Variants in GOLGA1 observed in about 807,000 individuals in gnomAD.
GOLGA1 encodes golgin A1.
GOLGA1 carries 63 observed loss-of-function variants against 119.7 expected under a neutral mutation model. That is an observed-to-expected ratio of 0.53 (90% CI 0.43 to 0.65). The LOEUF is 0.65. Among genes scored for constraint, GOLGA1 ranks in the 30% least tolerant of loss-of-function variants. GOLGA1 has a pLI of 0.00. For synonymous variants in GOLGA1, 318 were observed against 333.4 expected (o/e 0.95, Z 0.50); for missense variants, 798 against 912.8 (o/e 0.87, Z 1.62).
chr9:124,916,332 T>C (rs1171805829), intron 10 of GOLGA1, among the ~76,000 whole-genome samples: 2 of 151,558 alleles, frequency 1.3e-5, no homozygotes, highest in African/African-American at 2.4e-5. Flanking sequence ...ATGAAAAGAA[T>C]TAAAGTAAAA....
intron 15 of GOLGA1, among the ~76,000 whole-genome samples, chr9:124,893,290 TTCC>T (rs1829898432): frequency 6.6e-6 from 1 of 152,242 alleles, no homozygotes; most frequent in Non-Finnish European, 1.5e-5. Flanking sequence ...TTCTATTTGA[TTCC>T]TTTTTTAAAA....
At chr9:124,940,621 A>G (rs1232807304) in intron 1 of GOLGA1, among the ~76,000 whole-genome samples, 1 of 152,238 alleles carries the variant, frequency 6.6e-6, no homozygotes, top group African/African-American at 2.4e-5. Context: ...GGTGCCTGCC[A>G]CGGCAGTTTG....
intron 15 of GOLGA1, among the ~76,000 whole-genome samples, chr9:124,892,991 T>G (rs1052588908): frequency 1.3e-5 from 2 of 151,978 alleles, no homozygotes; most frequent in African/African-American, 4.8e-5. Context: ...GTTTTCTATA[T>G]GTTTACATTT....
chr9:124,902,682 G>C (rs574834926), intron 12 of GOLGA1, among the ~76,000 whole-genome samples: 2 of 151,438 alleles, frequency 1.3e-5, no homozygotes, highest in South Asian at 2.1e-4. Context: ...GTAGAGACAG[G>C]GTTTCACCGT....
intron 12 of GOLGA1, among the ~76,000 whole-genome samples, chr9:124,905,922 G>T (rs1036623280): frequency 2.7e-5 from 4 of 150,834 alleles, no homozygotes; most frequent in Non-Finnish European, 5.9e-5. Flanking sequence ...AGACCAGCCT[G>T]GCCAACATGA....
chr9:124,890,709 C>G (rs1829835362), intron 15 of GOLGA1, among the ~76,000 whole-genome samples: 1 of 152,070 alleles, frequency 6.6e-6, no homozygotes, highest in African/African-American at 2.4e-5. Context: ...CACTGAGGAT[C>G]GATTGCCCCA....
At chr9:124,880,679 C>T in intron 22 of GOLGA1, 69 bp from the exon 23 acceptor site, 1 of 937,314 alleles carries the variant, frequency 1.1e-6, no homozygotes, top group Non-Finnish European at 1.8e-6. Context: ...CTGAACCGCC[C>T]CTCCCCTCCC....
intron 7 of GOLGA1, among the ~76,000 whole-genome samples, chr9:124,925,092 G>T (rs138619006): frequency 1.3e-5 from 2 of 149,046 alleles, no homozygotes; most frequent in Non-Finnish European, 3.0e-5. Flanking sequence ...AAAAAAAAAA[G>T]AAAAATTTTC....
At position 124,882,801 on chromosome 9, in the gene GOLGA1, G is replaced by A. The variant is rs573525341; in HGVS notation, c.1906-232C>T. Among the ~76,000 whole-genome samples, 7 of 152,206 alleles carry A rather than the reference G, an allele frequency of 4.6e-5. No individual in the cohort carries two copies. In the East Asian group the frequency reaches 1.4e-3, roughly 29 times the overall value. Reference sequence around the variant, plus strand: ...CGCTTGAGTCTCCACGTCCCACAGGGGCCACAGTCCCTCTGTGTTGACATG... The same window carrying A: ...CGCTTGAGTCTCCACGTCCCACAGGAGCCACAGTCCCTCTGTGTTGACATG... On this transcript the variant is annotated intron_variant, in intron 19 of 22. Transcript: ENST00000373555.
At chr9:124,933,073 T>C (rs1830801965) in intron 3 of GOLGA1, among the ~76,000 whole-genome samples, 1 of 151,924 alleles carries the variant, frequency 6.6e-6, no homozygotes, top group Non-Finnish European at 1.5e-5. Flanking sequence ...ATAGGAGACA[T>C]CCTATGTCTC....
At chr9:124,933,314 G>A (rs1232001242) in intron 3 of GOLGA1, among the ~76,000 whole-genome samples, 1 of 152,164 alleles carries the variant, frequency 6.6e-6, no homozygotes, top group Non-Finnish European at 1.5e-5. Flanking sequence ...GATTTTGGGA[G>A]GGTTCCCATC....
At chr9:124,940,782 G>A (rs941932044) in intron 1 of GOLGA1, among the ~76,000 whole-genome samples, 189 bp downstream of exon 1, 13 of 152,212 alleles carry the variant, frequency 8.5e-5, no homozygotes, top group Non-Finnish European at 1.8e-4. Flanking sequence ...GAGGAATCCC[G>A]GAACCCTAGG....
chr9:124,911,539 G>A (rs1340680498), intron 11 of GOLGA1, among the ~76,000 whole-genome samples: 2 of 152,238 alleles, frequency 1.3e-5, no homozygotes, highest in African/African-American at 4.8e-5. Flanking sequence ...CTTTTGCCAA[G>A]GGGCAGATGT....
At chr9:124,916,877 C>CAAAAAAAAAAAAAAAA (rs71494043) in intron 10 of GOLGA1, among the ~76,000 whole-genome samples, 1 of 41,214 alleles carries the variant, frequency 2.4e-5, no homozygotes, top group Admixed American at 4.1e-4. Context: ...CCCTGACACA[C>CAAAAAAAAAAAAAAAA]AAAAAAAAAA....
At chr9:124,911,341 T>A (rs1355143820) in intron 11 of GOLGA1, among the ~76,000 whole-genome samples, 2 of 152,216 alleles carry the variant, frequency 1.3e-5, no homozygotes, top group African/African-American at 4.8e-5. Context: ...AGGAGCCTCA[T>A]GACCTGGGCT....
chr9:124,883,510 T>C (rs1829638865), intron 19 of GOLGA1, among the ~76,000 whole-genome samples: 1 of 151,558 alleles, frequency 6.6e-6, no homozygotes, highest in Admixed American at 6.6e-5. Flanking sequence ...GCAGGTGACA[T>C]AATCTCAGCT....
chr9:124,929,286 A>T lies in GOLGA1; in HGVS notation c.231T>A (p.Tyr77Ter), dbSNP rs777332519. ...TCTGCAAGTTTCGGACCTGTTCAGC[A>T]TAGTCTTGGGTGAGGAGGGTGACGC... is the stretch of plus-strand genomic sequence containing the variant. ...IRKLEARLSD[Y>*]AEQVRNLQKI... The change falls in exon 5 of 23, where the codon TAT (tyrosine) becomes TAA (stop). Residue 77 changes from tyrosine to a stop codon, truncating the protein, a stop_gained. Transcript: ENST00000373555. LOFTEE classifies it high-confidence loss of function. The T allele has an allele frequency of 6.2e-7, 1 of 1,604,860 alleles. No homozygotes were observed. The highest frequency in any genetic ancestry group is 1.1e-5 in the South Asian group (1 of 90,896).
At chr9:124,942,161 T>G (rs2131554671), upstream of GOLGA1, among the ~76,000 whole-genome samples, 1 of 152,232 alleles carries the variant, frequency 6.6e-6, no homozygotes, top group South Asian at 2.1e-4. Context: ...TCCCAATTAC[T>G]TGGGAGGCTG....
chr9:124,885,355 G>A (rs978309534), intron 19 of GOLGA1, among the ~76,000 whole-genome samples: 23 of 151,606 alleles, frequency 1.5e-4, no homozygotes, highest in African/African-American at 4.6e-4. Context: ...CGTGATCGTG[G>A]GCACCTGTAA....
Sources: allele counts gnomAD v4.1 joint callset (sites outside exome capture counted in the v4.1 genomes callset), GRCh38; gene constraint gnomAD v4.1.1; transcripts MANE v1.5; gene names NCBI Gene and HGNC (gene_info 2026-07-23, HGNC 2026-07-21).